Variants in EYS observed in about 807,000 individuals in gnomAD.
EYS encodes EGF-like photoreceptor maintenance factor, also known as protein eyes shut homolog.
Under a neutral mutation model 282.1 loss-of-function variants are expected in EYS, and 250 were observed. The ratio of observed to expected loss-of-function variants is 0.89; its 90% CI spans 0.80 to 0.98. EYS has a LOEUF of 0.98. Among genes scored for constraint, EYS ranks in the 50% least tolerant of loss-of-function variants. The pLI is 0.00. For synonymous variants in EYS, 1,355 were observed against 1,282.9 expected (o/e 1.06, Z -1.20); for missense variants, 4,016 against 3,709.0 (o/e 1.08, Z -2.15).
At chr6:65,403,233 A>G (rs1421324842) in intron 6 of EYS, among the ~76,000 whole-genome samples, 1 of 152,086 alleles carries the variant, frequency 6.6e-6, no homozygotes, top group African/African-American at 2.4e-5. Flanking sequence ...TAGAAAATAA[A>G]CCATTGGCAC....
At chr6:64,481,071 C>G (rs1776421811) in intron 26 of EYS, among the ~76,000 whole-genome samples, 1 of 151,022 alleles carries the variant, frequency 6.6e-6, no homozygotes, top group African/African-American at 2.4e-5. Flanking sequence ...AACAGTTTTC[C>G]TTAAATATGA....
intron 31 of EYS, among the ~76,000 whole-genome samples, chr6:64,203,354 C>CT (rs1328236278): frequency 6.6e-6 from 1 of 152,152 alleles, no homozygotes; most frequent in African/African-American, 2.4e-5. Context: ...GTGGGCATTA[C>CT]TGTAAATCTG....
chr6:65,172,076 T>C (rs936309361), intron 12 of EYS, among the ~76,000 whole-genome samples: 3 of 151,484 alleles, frequency 2.0e-5, no homozygotes, highest in Non-Finnish European at 4.4e-5. Context: ...GAACAAATAG[T>C]AAACTGAATT....
At chr6:65,495,735 G>A in intron 3 of EYS, 124 bp downstream of exon 3, 1 of 359,170 alleles carries the variant, frequency 2.8e-6, no homozygotes, top group South Asian at 3.3e-5. Context: ...AGCAGCTGGG[G>A]ACCTTCTTTG....
At chr6:65,330,875 T>C (rs1267209007) in intron 11 of EYS, 2 of 956,012 alleles carry the variant, frequency 2.1e-6, no homozygotes, top group Non-Finnish European at 2.5e-6. Flanking sequence ...GTAATCCAGT[T>C]TCATTTAAGG....
chr6:63,971,941 C>T (rs1459477686), intron 35 of EYS, among the ~76,000 whole-genome samples: 2 of 152,142 alleles, frequency 1.3e-5, no homozygotes, highest in East Asian at 3.9e-4. Flanking sequence ...ACATACTAAA[C>T]TCAAAGACTT....
At chr6:63,859,563 G>C (rs569002516) in intron 36 of EYS, among the ~76,000 whole-genome samples, 2 of 151,428 alleles carry the variant, frequency 1.3e-5, no homozygotes, top group Admixed American at 1.3e-4. Flanking sequence ...CTTTAGAATG[G>C]TGTGATTAAG....
chr6:65,609,230 A>G (rs1419391911), intron 2 of EYS, among the ~76,000 whole-genome samples: 3 of 151,654 alleles, frequency 2.0e-5, no homozygotes, highest in Non-Finnish European at 4.4e-5. Context: ...AAGAGATAGG[A>G]ATTTTCCAGC....
chr6:63,830,310 T>TA (rs1771593893), intron 36 of EYS, among the ~76,000 whole-genome samples: 1 of 152,148 alleles, frequency 6.6e-6, no homozygotes, highest in African/African-American at 2.4e-5. Context: ...GCAAAAAAGT[T>TA]AAAAACCTTG....
chr6:64,254,667 C>T (rs1464645198), intron 30 of EYS, among the ~76,000 whole-genome samples: 1 of 152,052 alleles, frequency 6.6e-6, no homozygotes, highest in East Asian at 1.9e-4. Context: ...TTGTCAGCTG[C>T]TCACCTGGGG....
At chr6:64,374,632 T>C (rs537413556) in intron 29 of EYS, among the ~76,000 whole-genome samples, 4 of 152,316 alleles carry the variant, frequency 2.6e-5, no homozygotes, top group Admixed American at 2.0e-4. Flanking sequence ...TCCCAACTAG[T>C]TTCTCAGATG....
intron 24 of EYS, among the ~76,000 whole-genome samples, chr6:64,596,754 T>C (rs1252289618): frequency 1.3e-5 from 2 of 152,210 alleles, no homozygotes; most frequent in South Asian, 2.1e-4. Flanking sequence ...GCTATAAAAC[T>C]ACTAGAAGAA....
intron 22 of EYS, among the ~76,000 whole-genome samples, chr6:64,684,640 TATACACTATAACATAATGGCCTGGTAAGG>T (rs1770024730): frequency 6.6e-6 from 1 of 151,922 alleles, no homozygotes; most frequent in Non-Finnish European, 1.5e-5. Context: ...CACACACACA[TATACACTATAACATAATGGCCTGGTAAGG>T]ATATGGAAAT....
At chr6:64,157,266 T>C (rs1054046842) in intron 31 of EYS, among the ~76,000 whole-genome samples, 1 of 152,066 alleles carries the variant, frequency 6.6e-6, no homozygotes, top group Non-Finnish European at 1.5e-5. Flanking sequence ...GTGTATATGT[T>C]CCACATTTTC....
intron 26 of EYS, among the ~76,000 whole-genome samples, chr6:64,467,345 T>C (rs1356584557): frequency 3.9e-5 from 6 of 152,196 alleles, no homozygotes; most frequent in Admixed American, 3.9e-4. Flanking sequence ...AAATAGGTGA[T>C]AGCATTTGAA....
intron 26 of EYS, among the ~76,000 whole-genome samples, chr6:64,576,303 C>A (rs17217917): frequency 0.098 from 14,916 of 152,066 alleles, 912 homozygotes; most frequent in East Asian, 0.16. Flanking sequence ...GTAACTTCCA[C>A]AATCCATCTT....
intron 19 of EYS, among the ~76,000 whole-genome samples, chr6:64,845,215 T>G (rs1765682310): frequency 6.6e-6 from 1 of 151,960 alleles, no homozygotes; most frequent in Non-Finnish European, 1.5e-5. Flanking sequence ...CATTTGAGCC[T>G]GGGAGGCAAA....
chr6:65,225,664 A>G (rs1213834009), intron 12 of EYS, among the ~76,000 whole-genome samples: 1 of 151,430 alleles, frequency 6.6e-6, no homozygotes, highest in African/African-American at 2.4e-5. Flanking sequence ...CAGTGAGCCA[A>G]GATTGTGCCA....
intron 22 of EYS, among the ~76,000 whole-genome samples, chr6:64,746,213 G>T (rs1325847283): frequency 6.6e-6 from 1 of 151,820 alleles, no homozygotes; most frequent in African/African-American, 2.4e-5. Flanking sequence ...ATATTAAGAG[G>T]TGGGACTATT....
Sources: gnomAD v4.1 joint callset for allele counts (sites outside exome capture counted in the v4.1 genomes callset) on GRCh38, gnomAD v4.1.1 for gene constraint, MANE v1.5 for transcripts, NCBI Gene and HGNC (gene_info 2026-07-23, HGNC 2026-07-21) for gene names.